PTPRG: variants seen among roughly 807,000 people sequenced by gnomAD.
PTPRG encodes receptor-type tyrosine-protein phosphatase gamma.
PTPRG carries 102 observed loss-of-function variants against 165.3 expected under a neutral mutation model. The ratio of observed to expected loss-of-function variants is 0.62; its 90% confidence interval spans 0.53 to 0.73. The LOEUF is 0.73. Among genes scored for constraint, PTPRG ranks in the 30% least tolerant of loss-of-function variants. The probability of loss-of-function intolerance (pLI) is 0.00; values close to 1 mark genes in which losing one functional copy is unlikely to be tolerated. For missense variants in PTPRG, 1,866 were observed against 1,861.4 expected (o/e 1.00, Z -0.05); for synonymous variants, 675 against 669.5 (o/e 1.01, Z -0.13).
At chr3:62,164,347 T>C (rs1048629932) in intron 7 of PTPRG, among the ~76,000 whole-genome samples, 5 of 152,138 alleles carry the variant, frequency 3.3e-5, no homozygotes, top group Admixed American at 3.3e-4. Flanking sequence ...AAATGTAGAC[T>C]CCTCTCACCA....
At chr3:61,565,695 C>T (rs565276039) in intron 1 of PTPRG, among the ~76,000 whole-genome samples, 1 of 149,484 alleles carries the variant, frequency 6.7e-6, no homozygotes, top group Non-Finnish European at 1.5e-5. Context: ...TACATTATAT[C>T]TAGGATGCTG....
intron 5 of PTPRG, among the ~76,000 whole-genome samples, chr3:62,117,581 A>G (rs1210781286): frequency 6.6e-6 from 1 of 152,208 alleles, no homozygotes; most frequent in East Asian, 1.9e-4. Flanking sequence ...GGTTGGTAAC[A>G]ACTATCAATC....
At chr3:62,020,845 GT>G (rs66464110) in intron 4 of PTPRG, among the ~76,000 whole-genome samples, 33 of 145,556 alleles carry the variant, frequency 2.3e-4, no homozygotes, top group East Asian at 6.1e-4. Flanking sequence ...GGTTTTTTTT[GT>G]TTTTTTTTTT....
At chr3:61,735,529 G>GT (rs11352504) in intron 1 of PTPRG, among the ~76,000 whole-genome samples, 1,901 of 143,166 alleles carry the variant, frequency 0.013, 43 homozygotes, top group South Asian at 0.11. Context: ...AATTCCTTGA[G>GT]TTTTTTTTTT....
intron 6 of PTPRG, among the ~76,000 whole-genome samples, chr3:62,151,627 G>T (rs1704340352): frequency 6.7e-6 from 1 of 150,360 alleles, no homozygotes; most frequent in African/African-American, 2.5e-5. Context: ...ATCTAGTAAT[G>T]CACAGTACCT....
At chr3:62,096,657 T>C (rs1231811631) in intron 5 of PTPRG, among the ~76,000 whole-genome samples, 1 of 152,240 alleles carries the variant, frequency 6.6e-6, no homozygotes, top group Admixed American at 6.5e-5. Flanking sequence ...ATTGAACTTC[T>C]TGGGGGATTT....
intron 5 of PTPRG, among the ~76,000 whole-genome samples, chr3:62,087,116 G>C (rs2661885): frequency 0.3 from 44,895 of 151,892 alleles, 9,042 homozygotes; most frequent in African/African-American, 0.58. Context: ...GTCACAGAAT[G>C]TGATTTTCGT....
chr3:62,102,718 G>A (rs1240449391), intron 5 of PTPRG, among the ~76,000 whole-genome samples: 1 of 152,074 alleles, frequency 6.6e-6, no homozygotes, highest in Non-Finnish European at 1.5e-5. Context: ...CCCCTGGAGA[G>A]GTCTGAGAGG....
chr3:62,168,817 A>C (rs1576088851), intron 8 of PTPRG, among the ~76,000 whole-genome samples: 1 of 152,186 alleles, frequency 6.6e-6, no homozygotes, highest in Non-Finnish European at 1.5e-5. Context: ...CTTGGTACCC[A>C]GGTCCTTGTC....
At chr3:61,969,670 AG>A (rs1380806169) in intron 2 of PTPRG, among the ~76,000 whole-genome samples, 1 of 152,172 alleles carries the variant, frequency 6.6e-6, no homozygotes. Context: ...GGTCACCCTC[AG>A]TCCCTGCATC....
intron 1 of PTPRG, among the ~76,000 whole-genome samples, chr3:61,689,280 A>G (rs1290747599): frequency 1.3e-5 from 2 of 152,220 alleles, no homozygotes; most frequent in African/African-American, 2.4e-5. Context: ...CATCATCTGT[A>G]ATGGTTGAAG....
intron 2 of PTPRG, among the ~76,000 whole-genome samples, chr3:61,815,607 G>A (rs2035736964): frequency 6.6e-6 from 1 of 152,114 alleles, no homozygotes; most frequent in South Asian, 2.1e-4. Flanking sequence ...AGATGAGGGG[G>A]CTGCATTGTT....
At chr3:62,171,005 C>T (rs977959148) in intron 8 of PTPRG, among the ~76,000 whole-genome samples, 5 of 152,118 alleles carry the variant, frequency 3.3e-5, no homozygotes, top group Non-Finnish European at 5.9e-5. Flanking sequence ...TAATAAATTG[C>T]ATAAAGTTAG....
At position 62,114,452 on chromosome 3, in the gene PTPRG, G is replaced by T. The variant is rs184667671; in HGVS notation, c.616-18150G>T. Among the ~76,000 whole-genome samples the T allele has an allele frequency of 2.5e-3, 383 of 152,078 alleles. 1 individual carries two copies. The highest frequency in any genetic ancestry group is 8.8e-3 in the African/African-American group (367 of 41,506). On this transcript the variant is annotated intron_variant, in intron 5 of 29. Coordinates refer to ENST00000474889, the MANE Select transcript of PTPRG (RefSeq NM_002841.4). ...ATTCTCATTAACACAGGGCATTTTTGTTGTTGTTGTTGTTTAGGAGTCATT... is the reference window on the plus strand; with the variant it reads ...ATTCTCATTAACACAGGGCATTTTTTTTGTTGTTGTTGTTTAGGAGTCATT...
chr3:61,677,138 G>A (rs1026654185), intron 1 of PTPRG, among the ~76,000 whole-genome samples: 8 of 151,650 alleles, frequency 5.3e-5, no homozygotes, highest in East Asian at 2.0e-4. Context: ...CCAGCTACTC[G>A]AGAGGCTGAG....
intron 2 of PTPRG, among the ~76,000 whole-genome samples, chr3:61,795,634 C>T (rs1226647584): frequency 2.2e-4 from 22 of 99,254 alleles, no homozygotes; most frequent in Admixed American, 4.9e-4. Flanking sequence ...AGCAAGACTC[C>T]GTCTCAAAAA....
At chr3:62,176,743 G>C (rs1249313763) in intron 8 of PTPRG, among the ~76,000 whole-genome samples, 1 of 152,118 alleles carries the variant, frequency 6.6e-6, no homozygotes, top group Non-Finnish European at 1.5e-5. Context: ...TTAGGCAGAA[G>C]ATCTTGTGCA....
At chr3:61,871,734 A>G (rs911548766) in intron 2 of PTPRG, among the ~76,000 whole-genome samples, 4 of 152,152 alleles carry the variant, frequency 2.6e-5, no homozygotes, top group African/African-American at 9.7e-5. Flanking sequence ...TGGGGGTTGT[A>G]GCTTTGGTAG....
At chr3:62,100,066 A>G (rs1307437890) in intron 5 of PTPRG, among the ~76,000 whole-genome samples, 1 of 151,994 alleles carries the variant, frequency 6.6e-6, no homozygotes, top group Admixed American at 6.6e-5. Flanking sequence ...CAAAGTGGAT[A>G]AATCTTTTAA....
Sources: gnomAD v4.1 joint callset for allele counts (sites outside exome capture counted in the v4.1 genomes callset) on GRCh38, gnomAD v4.1.1 for gene constraint, MANE v1.5 for transcripts, NCBI Gene and HGNC (gene_info 2026-07-23, HGNC 2026-07-21) for gene names.